The following DNAH8 variants were observed in gnomAD, a reference collection of about 807,000 sequenced individuals.
DNAH8 encodes axonemal beta dynein heavy chain 8.
DNAH8 carries 382 observed loss-of-function variants against 562.1 expected under a neutral mutation model. The observed-to-expected ratio is 0.68, with a 90% CI of 0.63 to 0.74. The LOEUF (loss-of-function observed/expected upper bound fraction) is 0.74, where lower values mean the gene tolerates loss of function less well. Among genes scored for constraint, DNAH8 ranks in the 30% least tolerant of loss-of-function variants. The pLI is 0.00. For synonymous variants in DNAH8, 1,881 were observed against 1,919.4 expected (o/e 0.98, Z 0.52); for missense variants, 5,203 against 5,620.4 (o/e 0.93, Z 2.37).
At chr6:38,931,033 A>T (rs1782515615) in intron 75 of DNAH8, among the ~76,000 whole-genome samples, 1 of 152,138 alleles carries the variant, frequency 6.6e-6, no homozygotes, top group Non-Finnish European at 1.5e-5. Context: ...CTTATATGAC[A>T]TATTTAATAT....
chr6:38,890,850 T>C (rs1029430930), intron 58 of DNAH8, 89 bp downstream of exon 58: 1 of 870,206 alleles, frequency 1.1e-6, no homozygotes, highest in Admixed American at 2.0e-5. Context: ...TATCATAATA[T>C]CATATATAGT....
chr6:38,733,692 C>G (rs145465633), intron 4 of DNAH8, among the ~76,000 whole-genome samples: 2,440 of 152,164 alleles, frequency 0.016, 49 homozygotes, highest in South Asian at 0.1. Flanking sequence ...GGGCAGATCA[C>G]TTGAGGTCAG....
At position 38,913,939 on chromosome 6, in the gene DNAH8, T is replaced by G. The variant is rs772739287; in HGVS notation, c.9950T>G (p.Ile3317Arg). The G allele has an allele frequency of 2.5e-6, 4 of 1,611,872 alleles. No homozygotes were observed. Among genetic ancestry groups the G allele is most frequent in the Non-Finnish European group, 3.4e-6 (4 of 1,178,268 alleles). ...VKEKELAVAS[I>R]KADEVLAEVT... is the part of the protein sequence containing the mutation. ...GAGAAGGAGTTGGCAGTGGCTTCCATAAAAGCAGACGAAGTGAGTTTGCAT... is the reference window on the plus strand; with the variant it reads ...GAGAAGGAGTTGGCAGTGGCTTCCAGAAAAGCAGACGAAGTGAGTTTGCAT... The change falls in exon 67 of 93, where the codon ATA becomes AGA. Residue 3317 changes from isoleucine to arginine, a missense_variant. By Grantham distance (97) the Ile-to-Arg change is moderately conservative. This residue lies in a region of DNAH8 where 977 missense variants were observed against 1,061.8 expected (regional missense o/e 0.92). Coordinates refer to ENST00000327475, the MANE Select transcript of DNAH8 (RefSeq NM_001206927.2).
intron 41 of DNAH8, among the ~76,000 whole-genome samples, chr6:38,855,477 T>C (rs893249362): frequency 1.3e-5 from 2 of 152,230 alleles, no homozygotes; most frequent in African/African-American, 2.4e-5. Context: ...ACGTTATTTA[T>C]GTATTTATTG....
chr6:38,748,970 G>A (rs569308893), intron 8 of DNAH8, among the ~76,000 whole-genome samples: 1 of 152,032 alleles, frequency 6.6e-6, no homozygotes, highest in South Asian at 2.1e-4. Context: ...GAAAAAGGAA[G>A]GTGATGTTTT....
At chr6:38,848,969 C>T (rs1775526124) in intron 37 of DNAH8, among the ~76,000 whole-genome samples, 168 bp downstream of exon 37, 1 of 152,134 alleles carries the variant, frequency 6.6e-6, no homozygotes, top group African/African-American at 2.4e-5. Context: ...TGGAACACAA[C>T]CACATCCATT....
rs375158290 is a variant in DNAH8 at position 38,938,139 on chromosome 6, T to G, written c.11729T>G (p.Phe3910Cys). The G allele has an allele frequency of 9.3e-6, 15 of 1,613,968 alleles. No individual in the cohort carries two copies. Among genetic ancestry groups the G allele is most frequent in the East Asian group, 4.5e-5 (2 of 44,874 alleles). The change falls in exon 78 of 93, where the codon TTC (phenylalanine) becomes TGC (cysteine). Residue 3910 changes from phenylalanine to cysteine, a missense_variant. Around this residue, in one of 6 missense-constraint regions of DNAH8, gnomAD observed 1,399 missense variants for 1,518.4 expected, o/e 0.92. Coordinates refer to ENST00000327475, the MANE Select transcript of DNAH8 (RefSeq NM_001206927.2). Reference sequence around the variant, plus strand: ...GCCACCCGCGGAAGCATCCTCTACTTCCTCATCACAGAGATGAGCATGGTC... The same window carrying G: ...GCCACCCGCGGAAGCATCCTCTACTGCCTCATCACAGAGATGAGCATGGTC... ...PAATRGSILY[F>C]LITEMSMVNI...
At chr6:38,816,617 G>A (rs551953426) in intron 26 of DNAH8, among the ~76,000 whole-genome samples, 2 of 152,118 alleles carry the variant, frequency 1.3e-5, no homozygotes, top group Non-Finnish European at 2.9e-5. Flanking sequence ...GGAATTGCTG[G>A]GTCAAATGGT....
chr6:38,728,590 A>G lies in DNAH8; in HGVS notation c.526-1312A>G, dbSNP rs530836336. 2.6e-5 allele frequency among the ~76,000 whole-genome samples: 4 copies of G among 152,298 alleles called. No homozygotes were observed. The South Asian group carries it at 8.3e-4, about 32-fold the overall frequency. On this transcript the variant is annotated intron_variant, in intron 3 of 92. Transcript: ENST00000327475. ...GTACTGATGGAGCTGTGCAAGAACT[A>G]TGTGGACAGCTTTTGTCCCTTTTAG... is the stretch of plus-strand genomic sequence containing the variant.
chr6:38,894,292 T>C (rs1217519308), intron 58 of DNAH8, among the ~76,000 whole-genome samples: 1 of 152,246 alleles, frequency 6.6e-6, no homozygotes, highest in Non-Finnish European at 1.5e-5. Context: ...CATTCGTTGT[T>C]CTTACCTGCA....
rs376417794 is a variant in DNAH8, at chr6:38,997,194, A to AAGCCTTGT, written c.13214+7022_13214+7023insAGCCTTGT. 2.0e-3 allele frequency among the ~76,000 whole-genome samples: 306 copies of AAGCCTTGT among 152,140 alleles called. 1 individual carries two copies. Among genetic ancestry groups the AAGCCTTGT allele is most frequent in the African/African-American group, 6.9e-3 (288 of 41,512 alleles). ...TTGGTAATTTTTTTGGTCTCTGAGT[A>AAGCCTTGT]CCTAGGTTTGATTCTTCTTTCCTCT... is the stretch of plus-strand genomic sequence containing the variant. On this transcript the variant is annotated intron_variant, in intron 88 of 92. Transcript: ENST00000327475.
chr6:39,000,491 G>A (rs1050650858), intron 88 of DNAH8, among the ~76,000 whole-genome samples: 17 of 152,274 alleles, frequency 1.1e-4, no homozygotes, highest in African/African-American at 4.1e-4. Context: ...TCTGCTTCCC[G>A]TCAGATCAGT....
chr6:38,861,739 G>T (rs1776638074), intron 43 of DNAH8, among the ~76,000 whole-genome samples: 1 of 152,072 alleles, frequency 6.6e-6, no homozygotes, highest in Non-Finnish European at 1.5e-5. Flanking sequence ...TCACCGTATT[G>T]GCCAGGCTGG....
chr6:38,835,456 A>T (rs1294727532), intron 32 of DNAH8, among the ~76,000 whole-genome samples: 1 of 152,222 alleles, frequency 6.6e-6, no homozygotes, highest in Non-Finnish European at 1.5e-5. Flanking sequence ...AAGTGCGATG[A>T]GAGCTGTGAC....
At chr6:38,838,435 G>C (rs953307366) in intron 33 of DNAH8, among the ~76,000 whole-genome samples, 1 of 141,120 alleles carries the variant, frequency 7.1e-6, no homozygotes, top group African/African-American at 2.7e-5. Flanking sequence ...GTCTCGCTCT[G>C]TTGCCCAGGC....
chr6:38,758,607 A>C (rs554937780), intron 10 of DNAH8, among the ~76,000 whole-genome samples: 11 of 151,774 alleles, frequency 7.2e-5, no homozygotes, highest in Admixed American at 6.6e-5. Flanking sequence ...GTCTTGTGCC[A>C]GTTTTCAAAG....
intron 73 of DNAH8, among the ~76,000 whole-genome samples, chr6:38,925,328 TATTTTATTTTATTTTA>T (rs1378550696): frequency 7.5e-6 from 1 of 133,622 alleles, no homozygotes; most frequent in African/African-American, 3.0e-5. Flanking sequence ...TATTTTATTT[TATTTTATTTTATTTTA>T]TTTTTTTTAG....
intron 88 of DNAH8, among the ~76,000 whole-genome samples, chr6:39,002,906 C>T (rs577007278): frequency 6.6e-6 from 1 of 152,184 alleles, no homozygotes; most frequent in Non-Finnish European, 1.5e-5. Context: ...ACACCTTATG[C>T]ATTTATCATG....
At position 38,977,779 on chromosome 6, in the gene DNAH8, T is replaced by C. The variant is rs193136792; in HGVS notation, c.12834+3250T>C. 2.6e-3 allele frequency among the ~76,000 whole-genome samples: 399 copies of C among 152,340 alleles called. 1 individual carries two copies. Among genetic ancestry groups the C allele is most frequent in the Admixed American group, 5.4e-3 (82 of 15,294 alleles). ...CTATGGGTTATTTTTTTCCTATTGA[T>C]TGTCAATGTGCCACTCTTTGAGGTG... On this transcript the variant is annotated intron_variant, in intron 85 of 92. Transcript: ENST00000327475.
Sources: allele counts gnomAD v4.1 joint callset (sites outside exome capture counted in the v4.1 genomes callset), GRCh38; gene constraint gnomAD v4.1.1; regional missense constraint gnomAD v4.1.1; transcripts MANE v1.5; gene names NCBI Gene and HGNC (gene_info 2026-07-23, HGNC 2026-07-21).